Variants in USH2A observed in about 807,000 individuals in gnomAD.
USH2A encodes the protein Usher syndrome 2A (autosomal recessive, mild).
Under a neutral mutation model 538.9 loss-of-function variants are expected in USH2A, and 443 were observed. The observed-to-expected ratio is 0.82, with a 90% CI of 0.76 to 0.89. The LOEUF (loss-of-function observed/expected upper bound fraction) is 0.89. Ranked by LOEUF, USH2A falls within the 40% of genes least tolerant of loss-of-function variation. USH2A has a pLI of 0.00. For synonymous variants in USH2A, 2,413 were observed against 2,273.5 expected (o/e 1.06, Z -1.75); for missense variants, 6,633 against 6,324.8 (o/e 1.05, Z -1.65).
At chr1:215,656,721 A>G (rs1288916992) in intron 64 of USH2A, among the ~76,000 whole-genome samples, 1 of 152,208 alleles carries the variant, frequency 6.6e-6, no homozygotes, top group Non-Finnish European at 1.5e-5. Flanking sequence ...ACTTCTGTGA[A>G]ACTCTGTAAC....
At chr1:215,721,739 A>G (rs1005969849) in intron 61 of USH2A, among the ~76,000 whole-genome samples, 2 of 152,140 alleles carry the variant, frequency 1.3e-5, no homozygotes, top group African/African-American at 4.8e-5. Context: ...AGTAAATGAA[A>G]AGTTGATATT....
At chr1:215,988,324 C>G (rs680512) in intron 35 of USH2A, among the ~76,000 whole-genome samples, 136,587 of 152,184 alleles carry the variant, frequency 0.9, 61,479 homozygotes, top group African/African-American at 0.97. Flanking sequence ...TTACCATAAT[C>G]TCCTCAAGTT....
At chr1:215,666,398 C>T (rs1657605725) in intron 64 of USH2A, among the ~76,000 whole-genome samples, 1 of 152,178 alleles carries the variant, frequency 6.6e-6, no homozygotes, top group African/African-American at 2.4e-5. Context: ...TTTAGGAAAG[C>T]CAGGATAGAC....
chr1:215,834,784 A>G (rs1421427936), intron 47 of USH2A, among the ~76,000 whole-genome samples: 1 of 148,818 alleles, frequency 6.7e-6, no homozygotes, highest in Non-Finnish European at 1.5e-5. Context: ...TTTTTTTTAA[A>G]TTTTCTCCCT....
chr1:216,198,762 C>T (rs947295095), intron 17 of USH2A, among the ~76,000 whole-genome samples, 178 bp from the exon 18 acceptor site: 1 of 152,036 alleles, frequency 6.6e-6, no homozygotes, highest in African/African-American at 2.4e-5. Context: ...ATCTAGATGA[C>T]AGGTACATAG....
chr1:216,379,185 C>A (rs138113284), intron 3 of USH2A, among the ~76,000 whole-genome samples: 1 of 152,180 alleles, frequency 6.6e-6, no homozygotes, highest in Non-Finnish European at 1.5e-5. Context: ...CTGTCCCTGG[C>A]AGTCACACCC....
intron 27 of USH2A, among the ~76,000 whole-genome samples, 158 bp downstream of exon 27, chr1:216,077,931 T>C (rs540540603): frequency 7.9e-5 from 12 of 152,200 alleles, no homozygotes; most frequent in Non-Finnish European, 1.5e-4. Flanking sequence ...AAAAAGTGTT[T>C]TCATTAGTTT....
At chr1:216,357,659 A>T (rs1261619448) in intron 4 of USH2A, among the ~76,000 whole-genome samples, 1 of 152,200 alleles carries the variant, frequency 6.6e-6, no homozygotes, top group African/African-American at 2.4e-5. Context: ...TTCTTAAGAA[A>T]GTGCTATGCA....
chr1:216,326,766 T>A (rs988385658), intron 5 of USH2A, among the ~76,000 whole-genome samples: 3 of 152,266 alleles, frequency 2.0e-5, no homozygotes, highest in Non-Finnish European at 2.9e-5. Flanking sequence ...CTTCTAAATT[T>A]ACAAGGGCTA....
chr1:215,682,476 T>C (rs1342406735), intron 61 of USH2A, among the ~76,000 whole-genome samples: 2 of 152,172 alleles, frequency 1.3e-5, no homozygotes, highest in Non-Finnish European at 1.5e-5. Context: ...GATTAACAAC[T>C]GGCATTCAGT....
intron 29 of USH2A, among the ~76,000 whole-genome samples, chr1:216,070,622 C>T (rs931728952): frequency 6.6e-6 from 1 of 151,772 alleles, no homozygotes; most frequent in Non-Finnish European, 1.5e-5. Flanking sequence ...CAAGTTCAAG[C>T]AATATAATGA....
At chr1:215,982,008 T>G (rs762427640) in intron 35 of USH2A, among the ~76,000 whole-genome samples, 1 of 152,248 alleles carries the variant, frequency 6.6e-6, no homozygotes, top group Non-Finnish European at 1.5e-5. Flanking sequence ...ACGTAAGTAA[T>G]CATTCAATCA....
Position 215,641,305 on chromosome 1 carries a change from A to T in USH2A, c.14792-571T>A, listed in dbSNP as rs1000032341. On this transcript the variant is annotated intron_variant, in intron 67 of 71. Coordinates refer to ENST00000307340, the MANE Select transcript of USH2A (RefSeq NM_206933.4). ...TCTCAAACTGTTAGTTTGTTTTCTA[A>T]GATAGTTAAAAAGCCTTGCAAACAG... 2.6e-5 allele frequency among the ~76,000 whole-genome samples: 4 copies of T among 152,298 alleles called. No homozygotes were observed. In the South Asian group the frequency reaches 8.3e-4, roughly 32 times the overall value.
chr1:215,908,683 A>G (rs1305401750), intron 38 of USH2A, among the ~76,000 whole-genome samples: 1 of 151,900 alleles, frequency 6.6e-6, no homozygotes, highest in Non-Finnish European at 1.5e-5. Flanking sequence ...GCTTTACTAT[A>G]TATGCCAGTC....
chr1:216,078,069 T>C lies in USH2A; in HGVS notation c.5572+20A>G. ...CACCAGGGCTGTATGGATTTGTGAA[T>C]TCCTCCAGATGGAACTTACCTTGTT... On this transcript the variant is annotated intron_variant, in intron 27 of 71. Coordinates refer to ENST00000307340, the MANE Select transcript of USH2A (RefSeq NM_206933.4). 1 of 1,613,408 alleles carries C rather than the reference T, an allele frequency of 6.2e-7. No individual in the cohort carries two copies. The highest frequency in any genetic ancestry group is 8.5e-7 in the Non-Finnish European group (1 of 1,179,604).
intron 37 of USH2A, 83 bp downstream of exon 37, chr1:215,965,234 G>T: frequency 3.4e-6 from 5 of 1,458,002 alleles, no homozygotes; most frequent in Non-Finnish European, 4.7e-6. Flanking sequence ...CTAAAAGAAA[G>T]ATTTTAGCCA....
chr1:215,793,068 T>A (rs1466781495), intron 50 of USH2A, among the ~76,000 whole-genome samples: 2 of 152,164 alleles, frequency 1.3e-5, no homozygotes, highest in African/African-American at 4.8e-5. Context: ...GAGAAAATAG[T>A]GGAGGAAAAA....
chr1:215,874,348 C>T (rs1213992534), intron 43 of USH2A, among the ~76,000 whole-genome samples: 4 of 152,058 alleles, frequency 2.6e-5, no homozygotes, highest in Admixed American at 2.0e-4. Flanking sequence ...GAGCAAAATT[C>T]GATAATGAGG....
At chr1:216,343,477 G>A (rs543249378) in intron 4 of USH2A, among the ~76,000 whole-genome samples, 4 of 146,496 alleles carry the variant, frequency 2.7e-5, no homozygotes, top group South Asian at 2.2e-4. Context: ...ACTAGGATAC[G>A]ATCATGCCAC....
Sources: allele counts gnomAD v4.1 joint callset (sites outside exome capture counted in the v4.1 genomes callset), GRCh38; gene constraint gnomAD v4.1.1; transcripts MANE v1.5; gene names NCBI Gene and HGNC (gene_info 2026-07-23, HGNC 2026-07-21).